Variants in EVC observed in about 807,000 individuals in gnomAD.
EVC encodes EvC ciliary complex subunit 1.
In EVC, 116 loss-of-function variants were observed where a neutral mutation model predicts 118.9. That is an observed-to-expected ratio of 0.98 (90% CI 0.84 to 1.14). The LOEUF (loss-of-function observed/expected upper bound fraction) is 1.14, where lower values mean the gene tolerates loss of function less well. Among genes scored for constraint, EVC ranks in the 50% most tolerant of loss-of-function variants. The probability of loss-of-function intolerance (pLI) is 0.00; values close to 1 mark genes in which losing one functional copy is unlikely to be tolerated. For missense variants in EVC, 1,401 were observed against 1,246.4 expected, an observed-to-expected ratio of 1.12 and a Z score of -1.87; for synonymous variants, 619 against 534.7, an observed-to-expected ratio of 1.16 and a Z score of -2.18.
At position 5,733,347 on chromosome 4, in the gene EVC, G is replaced by A. The variant is rs1727147779; in HGVS notation, c.618-4G>A. On this transcript the variant is annotated splice_region_variant and splice_polypyrimidine_tract_variant and intron_variant, in intron 4 of 20. Coordinates refer to ENST00000264956, the MANE Select transcript of EVC (RefSeq NM_153717.3). The stretch of plus-strand genomic sequence containing the variant: ...TCTTTTCCGCTTCTCATTTTATTTT[G>A]CAGTGTAGACGTTGACCTGTGTATC... 6.2e-7 allele frequency: 1 copy of A among 1,612,544 alleles called. No individual in the cohort carries two copies. The highest frequency in any genetic ancestry group is 8.5e-7 in the Non-Finnish European group (1 of 1,178,790).
chr4:5,819,009 T>G (rs1718089638), downstream of EVC, among the ~76,000 whole-genome samples: 2 of 152,174 alleles, frequency 1.3e-5, no homozygotes, highest in South Asian at 4.1e-4. Context: ...GTCAATCACC[T>G]GACTTACAAC....
rs888700427 is a variant in EVC, at chr4:5,741,448, A to C, written c.703-268A>C. On this transcript the variant is annotated intron_variant, in intron 5 of 20. Transcript: ENST00000264956. ...GTGGAGGGCCTTGCACAGAGTAAGC[A>C]CTCAATATTTGTTGAATACATGCAT... Among the ~76,000 whole-genome samples the C allele has an allele frequency of 4.6e-5, 7 of 152,338 alleles. No individual in the cohort carries two copies. The East Asian group carries it at 5.8e-4, about 13-fold the overall frequency.
chr4:5,732,844 T>C (rs1222316739), intron 4 of EVC, among the ~76,000 whole-genome samples: 1 of 152,020 alleles, frequency 6.6e-6, no homozygotes, highest in East Asian at 1.9e-4. Flanking sequence ...ACCCCATCTC[T>C]AAAATAAAAT....
At chr4:5,784,303 GA>G (rs1736090590) in intron 12 of EVC, among the ~76,000 whole-genome samples, 1 of 152,158 alleles carries the variant, frequency 6.6e-6, no homozygotes, top group African/African-American at 2.4e-5. Context: ...GTTCTTACAG[GA>G]GACAGGCAGA....
At chr4:5,767,870 C>G (rs1430429398) in intron 11 of EVC, among the ~76,000 whole-genome samples, 1 of 152,210 alleles carries the variant, frequency 6.6e-6, no homozygotes, top group Non-Finnish European at 1.5e-5. Context: ...TTCTGCGTCG[C>G]TCACGCTGGG....
intron 11 of EVC, among the ~76,000 whole-genome samples, chr4:5,777,871 G>A (rs546770348): frequency 1.3e-5 from 2 of 152,060 alleles, no homozygotes; most frequent in South Asian, 2.1e-4. Flanking sequence ...AAGTTTTAGG[G>A]TACATGTGCA....
At chr4:5,819,986 TGCCTCAA>T in the EVC span, among the ~76,000 whole-genome samples, 6 of 152,208 alleles carry the variant, frequency 3.9e-5, no homozygotes, top group Non-Finnish European at 8.8e-5. Flanking sequence ...CAAAGCCATC[TGCCTCAA>T]ATGCCCTTGG....
At chr4:5,732,743 G>A (rs564867067) in intron 4 of EVC, among the ~76,000 whole-genome samples, 3 of 152,216 alleles carry the variant, frequency 2.0e-5, no homozygotes, top group Non-Finnish European at 4.4e-5. Context: ...GGGCACCATG[G>A]CTCATGCCTG....
In EVC at chr4:5,755,979, A is replaced by G. The variant is rs12499446; in HGVS notation, c.1465-285A>G. ...CAGAAAGTGATGTCTGGGTGGCTGC[A>G]GCCAGGACAGAGGAGTGACAGAAGT... On this transcript the variant is annotated intron_variant, in intron 10 of 20. Transcript: ENST00000264956. The surrounding 1 kb of genome is among the most constrained non-coding windows in gnomAD (Gnocchi z 4.1). Among the ~76,000 whole-genome samples, 41,301 of 152,082 alleles carry G rather than the reference A, an allele frequency of 0.27. 6,159 individuals carry two copies. Among genetic ancestry groups the G allele is most frequent in the African/African-American group, 0.4 (16,432 of 41,480 alleles).
rs2152345243 is a variant in EVC, at chr4:5,798,550, GCACTTGGCCC to G, written c.2098-34_2098-25del. The G allele has an allele frequency of 6.5e-7, 1 of 1,543,892 alleles. No individual in the cohort carries two copies. Among genetic ancestry groups the G allele is most frequent in the African/African-American group, 1.4e-5 (1 of 73,018 alleles). On this transcript the variant is annotated intron_variant, in intron 14 of 20. Transcript: ENST00000264956. The surrounding 1 kb of genome is among the most constrained non-coding windows in gnomAD (Gnocchi z 4.1). The stretch of plus-strand genomic sequence containing the variant: ...TGGCCAGAGCTTCTCTGTGAGAGGA[GCACTTGGCCC>G]CTGCTCCCAGTCCTTTCCCTCCCAG...
intron 2 of EVC, among the ~76,000 whole-genome samples, chr4:5,724,471 T>A (rs1354126451): frequency 6.6e-6 from 1 of 152,198 alleles, no homozygotes; most frequent in African/African-American, 2.4e-5. Context: ...TTGCTGTTAT[T>A]CACATCATGT....
At chr4:5,728,505 C>G (rs1726230409) in intron 2 of EVC, among the ~76,000 whole-genome samples, 1 of 152,094 alleles carries the variant, frequency 6.6e-6, no homozygotes, top group African/African-American at 2.4e-5. Flanking sequence ...GATATACAAT[C>G]ATGTCGTCTG....
Position 5,766,119 on chromosome 4 carries a change from C to T in EVC, c.1563+9757C>T, listed in dbSNP as rs1309032401. Among the ~76,000 whole-genome samples, 15 of 141,406 alleles carry T rather than the reference C, an allele frequency of 1.1e-4. No individual in the cohort carries two copies. The East Asian group carries it at 2.4e-3, about 22-fold the overall frequency. The allele number at this position is 141,406 out of a possible 152,430, so 92.8% of individuals were successfully genotyped here. A position where few individuals can be genotyped will look rare whatever the true frequency, so the allele number is the denominator to read the frequency against. ...GCCTGGTGGTGACAAAATCTCTCAG[C>T]ATTTGCTTGTCTGTAAAGTATTTTA... is the stretch of plus-strand genomic sequence containing the variant. On this transcript the variant is annotated intron_variant, in intron 11 of 20. Transcript: ENST00000264956.
chr4:5,817,012 A>AGGCAG (rs1717812338), downstream of EVC, among the ~76,000 whole-genome samples: 2 of 152,174 alleles, frequency 1.3e-5, no homozygotes, highest in African/African-American at 4.8e-5. Context: ...CTCTGGGCAA[A>AGGCAG]GGCAGGGCAG....
In EVC at chr4:5,739,408, G is replaced by A. The variant is rs115806158; in HGVS notation, c.703-2308G>A. ...AATCTCAGCTCTGTCGCATGTGGCTGTGTGGCAGGAGGCAAGTGGCCCCTG... is the reference window on the plus strand; with the variant it reads ...AATCTCAGCTCTGTCGCATGTGGCTATGTGGCAGGAGGCAAGTGGCCCCTG... On this transcript the variant is annotated intron_variant, in intron 5 of 20. Transcript: ENST00000264956. 1.2e-3 allele frequency among the ~76,000 whole-genome samples: 176 copies of A among 152,304 alleles called. 1 individual carries two copies. Among genetic ancestry groups the A allele is most frequent in the African/African-American group, 4.1e-3 (171 of 41,566 alleles).
chr4:5,824,432 C>T, the EVC span: 4 of 985,358 alleles, frequency 4.1e-6, no homozygotes, highest in Non-Finnish European at 3.6e-6. Context: ...TCAGACACTT[C>T]CTGAATGGAT....
At chr4:5,722,730 G>A (rs1560280005) in intron 2 of EVC, among the ~76,000 whole-genome samples, 1 of 152,164 alleles carries the variant, frequency 6.6e-6, no homozygotes, top group Non-Finnish European at 1.5e-5. Context: ...CCTTTATATT[G>A]GTGATGGAAA....
Position 5,754,189 on chromosome 4 carries a change from C to T in EVC, c.1464+256C>T, listed in dbSNP as rs1043941829. Reference sequence around the variant, plus strand: ...AGGAGGGGGTAGGATCCGTAGAGAGCTTGGCAGAGTGCAGACGCATGGCAG... The same window carrying T: ...AGGAGGGGGTAGGATCCGTAGAGAGTTTGGCAGAGTGCAGACGCATGGCAG... On this transcript the variant is annotated intron_variant, in intron 10 of 20. Transcript: ENST00000264956. This position sits in a 1 kb window ranked among gnomAD's most constrained non-coding sequence, Gnocchi z 5.8. Among the ~76,000 whole-genome samples the T allele has an allele frequency of 1.3e-5, 2 of 152,176 alleles. No homozygotes were observed. The highest frequency in any genetic ancestry group is 1.3e-4 in the Admixed American group (2 of 15,286).
rs952842883 is a variant in EVC at position 5,752,869 on chromosome 4, A to G, written c.1132A>G (p.Met378Val). ...ALERTMGRAH[M>V]AKVIEFLKLQ... is the part of the protein sequence containing the mutation. ...GGAGAGGACGATGGGGCGGGCGCAC[A>G]TGGCAAAAGTGATTGAGTTTCTGAA... is the stretch of plus-strand genomic sequence containing the variant. The change falls in exon 9 of 21, where the codon ATG becomes GTG. Residue 378 changes from methionine (M) to valine (V), a missense_variant. Met to Val is a conservative substitution (Grantham distance 21). Coordinates refer to ENST00000264956, the MANE Select transcript of EVC (RefSeq NM_153717.3). 3.1e-6 allele frequency: 5 copies of G among 1,614,072 alleles called. No homozygotes were observed. In the East Asian group the frequency reaches 6.7e-5, roughly 22 times the overall value.
Sources: gnomAD v4.1 joint callset for allele counts (sites outside exome capture counted in the v4.1 genomes callset) on GRCh38, gnomAD v4.1.1 for gene constraint, Gnocchi (gnomAD v3.1) non-coding constraint, MANE v1.5 for transcripts, NCBI Gene and HGNC (gene_info 2026-07-23, HGNC 2026-07-21) for gene names.